Variants in NHSL1 observed in about 807,000 individuals in gnomAD.
The protein encoded by NHSL1 is NHS-like protein 1.
In NHSL1, 48 loss-of-function variants were observed where a neutral mutation model predicts 95.0. The observed-to-expected ratio is 0.51, with a 90% confidence interval of 0.40 to 0.64. The LOEUF is 0.64. Among genes scored for constraint, NHSL1 ranks in the 30% least tolerant of loss-of-function variants. NHSL1 has a pLI of 0.00. For missense variants in NHSL1, 1,971 were observed against 2,077.7 expected (o/e 0.95, Z 1.00); for synonymous variants, 783 against 833.9 (o/e 0.94, Z 1.05).
chr6:138,441,849 G>A, intron 5 of NHSL1, 134 bp downstream of exon 5: 1 of 756,540 alleles, frequency 1.3e-6, no homozygotes, highest in Non-Finnish European at 2.0e-6. Context: ...GCCTCATTCA[G>A]GAAGGAAGCT....
At chr6:138,667,837 A>AT (rs2114751088) in intron 1 of NHSL1, among the ~76,000 whole-genome samples, 1 of 152,310 alleles carries the variant, frequency 6.6e-6, no homozygotes, top group African/African-American at 2.4e-5. Context: ...AATATTCTTG[A>AT]TTTTCAAATG....
intron 1 of NHSL1, among the ~76,000 whole-genome samples, chr6:138,666,281 C>T (rs1408528601): frequency 1.3e-5 from 2 of 151,538 alleles, no homozygotes; most frequent in Non-Finnish European, 2.9e-5. Flanking sequence ...CCAGCCTGGA[C>T]AACAAGGGCG....
intron 1 of NHSL1, among the ~76,000 whole-genome samples, chr6:138,652,664 C>T (rs1165104341): frequency 6.6e-6 from 1 of 151,992 alleles, no homozygotes; most frequent in Non-Finnish European, 1.5e-5. Context: ...CACTGCAAAA[C>T]AAATTAGTTA....
chr6:138,438,736 A>G (rs1007530171), intron 5 of NHSL1, among the ~76,000 whole-genome samples: 3 of 152,202 alleles, frequency 2.0e-5, no homozygotes, highest in African/African-American at 7.2e-5. Context: ...TTATTTAAGG[A>G]TTAGGCTATG....
upstream of NHSL1, among the ~76,000 whole-genome samples, chr6:138,550,391 C>T (rs951196410): frequency 1.3e-5 from 2 of 152,192 alleles, no homozygotes; most frequent in African/African-American, 4.8e-5. Context: ...ATCATTGCTA[C>T]TGAGACTGAA....
At chr6:138,598,836 C>T (rs775521255) in intron 1 of NHSL1, among the ~76,000 whole-genome samples, 4 of 152,060 alleles carry the variant, frequency 2.6e-5, no homozygotes, top group Admixed American at 6.6e-5. Flanking sequence ...CATTCAAAGA[C>T]GACTGCATCC....
intron 1 of NHSL1, among the ~76,000 whole-genome samples, chr6:138,543,958 A>C (rs1283917948): frequency 6.6e-6 from 1 of 152,182 alleles, no homozygotes; most frequent in Non-Finnish European, 1.5e-5. Flanking sequence ...CACATGCCAT[A>C]CGTTTGAGTT....
chr6:138,650,151 G>T (rs960459061), intron 1 of NHSL1: 1 of 547,174 alleles, frequency 1.8e-6, no homozygotes, highest in African/African-American at 1.9e-5. Context: ...CATCTTGCAG[G>T]TATCCCGAGA....
At chr6:138,504,503 TTGGGTAAAGCCCAGACC>T (rs1780856523) in intron 1 of NHSL1, among the ~76,000 whole-genome samples, 2 of 152,194 alleles carry the variant, frequency 1.3e-5, no homozygotes, top group Non-Finnish European at 1.5e-5. Context: ...GAAGAGACTC[TTGGGTAAAGCCCAGACC>T]TGGGATGTGG....
chr6:138,522,924 G>T (rs1171033710), intron 1 of NHSL1, among the ~76,000 whole-genome samples: 1 of 152,178 alleles, frequency 6.6e-6, no homozygotes, highest in Non-Finnish European at 1.5e-5. Context: ...TAACAATCTG[G>T]GTTAATGAAT....
intron 1 of NHSL1, among the ~76,000 whole-genome samples, chr6:138,557,500 G>A (rs1200103004): frequency 6.6e-6 from 1 of 152,190 alleles, no homozygotes; most frequent in Non-Finnish European, 1.5e-5. Context: ...GAAAGAGAAA[G>A]GCTTCCAGCA....
intron 1 of NHSL1, among the ~76,000 whole-genome samples, chr6:138,643,144 T>C (rs1784978313): frequency 6.6e-6 from 1 of 152,252 alleles, no homozygotes; most frequent in Admixed American, 6.5e-5. Context: ...GAGGGCTTAC[T>C]ATGTGTCAAA....
At position 138,442,039 on chromosome 6, in the gene NHSL1, T is replaced by C. The variant is rs1222648527; in HGVS notation, c.608A>G (p.Lys203Arg). The part of the protein sequence containing the change: ...YTDTLVRRPK[K>R]VKRRKTITGV... ...TGTAATAGTCTTTCTCCTTTTGACT[T>C]TCTTCGGTCGTCTTACCAGAGTGTC... The change falls in exon 5 of 8, where the codon AAA becomes AGA. Residue 203 changes from lysine to arginine, a missense_variant. Transcript: ENST00000343505. The C allele has an allele frequency of 6.4e-7, 1 of 1,551,394 alleles. No homozygotes were observed. Among genetic ancestry groups the C allele is most frequent in the Non-Finnish European group, 8.7e-7 (1 of 1,146,908 alleles).
At chr6:138,626,752 G>A (rs1784743363) in intron 1 of NHSL1, among the ~76,000 whole-genome samples, 1 of 117,184 alleles carries the variant, frequency 8.5e-6, no homozygotes, top group Admixed American at 8.4e-5. Flanking sequence ...AAATTAGCCG[G>A]GCGTAGTGGC....
intron 1 of NHSL1, among the ~76,000 whole-genome samples, chr6:138,616,796 T>C (rs56164317): frequency 0.16 from 23,772 of 152,092 alleles, 2,519 homozygotes; most frequent in African/African-American, 0.3. Context: ...GTAAACTGTC[T>C]AAGAAAAGAG....
At chr6:138,520,263 C>T (rs1038140975) in intron 1 of NHSL1, among the ~76,000 whole-genome samples, 6 of 149,730 alleles carry the variant, frequency 4.0e-5, no homozygotes, top group South Asian at 2.1e-4. Context: ...TGCTGGAATA[C>T]GCTGCCTAGT....
chr6:138,571,472 G>A (rs1463402621), intron 1 of NHSL1: 5 of 475,706 alleles, frequency 1.1e-5, no homozygotes, highest in African/African-American at 5.9e-5. Flanking sequence ...GGAGGCTGCC[G>A]AGAACAAATA....
At chr6:138,481,030 G>T (rs531681758) in intron 2 of NHSL1, among the ~76,000 whole-genome samples, 2 of 152,244 alleles carry the variant, frequency 1.3e-5, no homozygotes, top group African/African-American at 4.8e-5. Context: ...ATTAATAACA[G>T]GGTAAAAGGC....
At chr6:138,484,541 CTG>C (rs1562316786) in intron 2 of NHSL1, among the ~76,000 whole-genome samples, 1 of 152,094 alleles carries the variant, frequency 6.6e-6, no homozygotes, top group Non-Finnish European at 1.5e-5. Flanking sequence ...AACAGTCAAA[CTG>C]GAAATGAATT....
Sources: gnomAD v4.1 joint callset for allele counts (sites outside exome capture counted in the v4.1 genomes callset) on GRCh38, gnomAD v4.1.1 for gene constraint, MANE v1.5 for transcripts, NCBI Gene and HGNC (gene_info 2026-07-23, HGNC 2026-07-21) for gene names.